Variants in KCNIP4 observed in about 807,000 individuals in gnomAD.
KCNIP4 encodes the protein Kv channel-interacting protein 4.
A neutral mutation model predicts 34.0 loss-of-function variants in KCNIP4; 12 were observed. That is an observed-to-expected ratio of 0.35 (90% CI 0.23 to 0.57). The LOEUF (loss-of-function observed/expected upper bound fraction) is 0.57. KCNIP4 is among the 20% of genes least tolerant of loss of function. The pLI is 0.83. For synonymous variants in KCNIP4, 124 were observed against 102.2 expected (o/e 1.21, Z -1.29); for missense variants, 238 against 311.7 (o/e 0.76, Z 1.78).
At position 21,193,534 on chromosome 4, in the gene KCNIP4, G is replaced by A. The variant is rs140371304; in HGVS notation, c.62-310825C>T. Among the ~76,000 whole-genome samples, 388 of 151,298 alleles carry A rather than the reference G, an allele frequency of 2.6e-3. 4 individuals are homozygous for A. Among genetic ancestry groups the A allele is most frequent in the African/African-American group, 8.8e-3 (362 of 41,060 alleles). On this transcript the variant is annotated intron_variant, in intron 1 of 8. Transcript: ENST00000382152. ...TTCTGGGTATGCAAAGCTCCCTGTA[G>A]CAGTCATTCAGTATGGATCACTTAT...
chr4:21,249,988 A>G (rs192268896), intron 1 of KCNIP4, among the ~76,000 whole-genome samples: 2 of 152,242 alleles, frequency 1.3e-5, no homozygotes, highest in East Asian at 1.9e-4. Flanking sequence ...TTTTAATAAG[A>G]AAGGGTTCAG....
At chr4:21,452,647 C>A (rs1464954241) in intron 1 of KCNIP4, among the ~76,000 whole-genome samples, 2 of 151,706 alleles carry the variant, frequency 1.3e-5, no homozygotes, top group Admixed American at 1.3e-4. Flanking sequence ...ACCATGACAC[C>A]CATGGCTAAA....
At chr4:21,818,478 A>C (rs1722124656) in intron 1 of KCNIP4, among the ~76,000 whole-genome samples, 1 of 152,206 alleles carries the variant, frequency 6.6e-6, no homozygotes, top group Non-Finnish European at 1.5e-5. Context: ...ATACATATAC[A>C]GTAGATCTGA....
Position 21,406,151 on chromosome 4 carries a change from T to G in KCNIP4, c.62-523442A>C, listed in dbSNP as rs147123915. On this transcript the variant is annotated intron_variant, in intron 1 of 8. Transcript: ENST00000382152. ...TACCTGGCCCCGTCATCTTTTAAAC[T>G]GTAAAGACAGAGGGGCCTTGCTCTG... Among the ~76,000 whole-genome samples the G allele has an allele frequency of 7.0e-3, 1,069 of 152,266 alleles. 7 individuals are homozygous for G. Among genetic ancestry groups the G allele is most frequent in the African/African-American group, 0.025 (1,020 of 41,534 alleles).
At chr4:21,446,973 A>G (rs1167320554) in intron 1 of KCNIP4, among the ~76,000 whole-genome samples, 1 of 152,092 alleles carries the variant, frequency 6.6e-6, no homozygotes, top group Non-Finnish European at 1.5e-5. Context: ...GATTATAAAT[A>G]AAGCTACTAT....
intron 1 of KCNIP4, among the ~76,000 whole-genome samples, chr4:21,341,834 A>G (rs1716793385): frequency 6.6e-6 from 1 of 152,024 alleles, no homozygotes; most frequent in African/African-American, 2.4e-5. Flanking sequence ...CAAATCCTCA[A>G]TCTTCTTTAT....
chr4:20,819,567 T>C (rs997209482), intron 3 of KCNIP4, among the ~76,000 whole-genome samples: 1 of 152,186 alleles, frequency 6.6e-6, no homozygotes, highest in Non-Finnish European at 1.5e-5. Flanking sequence ...ACATAGCATA[T>C]GCTCAGAGAA....
chr4:21,380,839 GAC>G (rs34138343), intron 1 of KCNIP4, among the ~76,000 whole-genome samples: 18 of 149,582 alleles, frequency 1.2e-4, no homozygotes, highest in African/African-American at 2.2e-4. Flanking sequence ...TTCCATTGGT[GAC>G]ACACACACAC....
intron 1 of KCNIP4, among the ~76,000 whole-genome samples, chr4:21,529,200 C>T (rs1736447846): frequency 6.6e-6 from 1 of 152,138 alleles, no homozygotes; most frequent in South Asian, 2.1e-4. Flanking sequence ...ACATTATTTG[C>T]TGACCCCTAC....
chr4:20,951,217 G>T (rs1348519796), intron 1 of KCNIP4, among the ~76,000 whole-genome samples: 1 of 152,210 alleles, frequency 6.6e-6, no homozygotes, highest in South Asian at 2.1e-4. Context: ...CAGGAAGAGA[G>T]CCCTCACCAC....
At chr4:21,517,240 C>T (rs1031115343) in intron 1 of KCNIP4, among the ~76,000 whole-genome samples, 1 of 152,096 alleles carries the variant, frequency 6.6e-6, no homozygotes, top group Non-Finnish European at 1.5e-5. Flanking sequence ...GAAACAACCA[C>T]GTCAGAGTGG....
intron 1 of KCNIP4, among the ~76,000 whole-genome samples, chr4:21,380,483 G>A (rs1224752748): frequency 6.6e-6 from 1 of 151,144 alleles, no homozygotes; most frequent in East Asian, 2.0e-4. Flanking sequence ...GAGGGAGAGA[G>A]AGAGGGAGAG....
At chr4:21,793,201 C>A (rs1358195072) in intron 1 of KCNIP4, among the ~76,000 whole-genome samples, 1 of 152,198 alleles carries the variant, frequency 6.6e-6, no homozygotes, top group Non-Finnish European at 1.5e-5. Flanking sequence ...AGTATCAGTT[C>A]TTCAGGAGGA....
intron 1 of KCNIP4, among the ~76,000 whole-genome samples, chr4:20,885,601 T>A (rs555746147): frequency 9.8e-4 from 149 of 152,164 alleles, no homozygotes; most frequent in African/African-American, 3.4e-3. Context: ...CTTGCTCAGC[T>A]AGCTCTGTAT....
intron 1 of KCNIP4, among the ~76,000 whole-genome samples, chr4:21,726,525 T>C (rs1046610370): frequency 6.6e-6 from 1 of 152,154 alleles, no homozygotes; most frequent in Non-Finnish European, 1.5e-5. Flanking sequence ...AACCTAGGAA[T>C]GTGTTCAAAT....
intron 1 of KCNIP4, chr4:21,718,849 G>A (rs1241862392): frequency 6.6e-6 from 1 of 152,110 alleles, no homozygotes; most frequent in African/African-American, 2.4e-5. Context: ...AAATCTATTT[G>A]CAAAGGACCC....
intron 1 of KCNIP4, among the ~76,000 whole-genome samples, chr4:21,225,592 C>T (rs148555379): frequency 4.3e-4 from 65 of 152,142 alleles, no homozygotes; most frequent in African/African-American, 1.5e-3. Context: ...TTGAATGAGT[C>T]CCTTTATTCC....
chr4:20,941,113 C>T (rs1325258795), intron 1 of KCNIP4, among the ~76,000 whole-genome samples: 2 of 152,196 alleles, frequency 1.3e-5, no homozygotes, highest in Admixed American at 1.3e-4. Flanking sequence ...AGTTGACATG[C>T]ACCTACTGGA....
intron 1 of KCNIP4, among the ~76,000 whole-genome samples, chr4:21,422,659 T>TTGTG (rs3083787): frequency 0.027 from 4,061 of 147,694 alleles, 76 homozygotes; most frequent in Non-Finnish European, 0.033. Flanking sequence ...ATGTGTGTGT[T>TTGTG]TGTGTGTGTG....
Sources: allele counts gnomAD v4.1 joint callset (sites outside exome capture counted in the v4.1 genomes callset), GRCh38; gene constraint gnomAD v4.1.1; transcripts MANE v1.5; gene names NCBI Gene and HGNC (gene_info 2026-07-23, HGNC 2026-07-21).